Variants in CADM2 observed in about 807,000 individuals in gnomAD.
The protein encoded by CADM2 is immunoglobulin superfamily member 4D.
In CADM2, 12 loss-of-function variants were observed where a neutral mutation model predicts 49.8. That is an observed-to-expected ratio of 0.24 (90% CI 0.15 to 0.39). The LOEUF (loss-of-function observed/expected upper bound fraction) is 0.39, where lower values mean the gene tolerates loss of function less well. Among genes scored for constraint, CADM2 ranks in the 10% least tolerant of loss-of-function variants. CADM2 has a pLI of 1.00. For missense variants in CADM2, 378 were observed against 492.3 expected, an observed-to-expected ratio of 0.77 and a Z score of 2.20; for synonymous variants, 214 against 175.4, an observed-to-expected ratio of 1.22 and a Z score of -1.74.
intron 8 of CADM2, among the ~76,000 whole-genome samples, chr3:86,041,216 A>G (rs747223662): frequency 4.6e-5 from 7 of 152,228 alleles, no homozygotes; most frequent in Non-Finnish European, 1.0e-4. Context: ...GACAGGATCA[A>G]ATTCACACAT....
intron 1 of CADM2, among the ~76,000 whole-genome samples, chr3:85,476,604 A>AC (rs80025546): frequency 0.87 from 132,515 of 151,704 alleles, 58,030 homozygotes; most frequent in East Asian, 0.95. Flanking sequence ...CCAGTGCACT[A>AC]AAAGATAGCA....
At chr3:85,754,398 A>T (rs888442304) in intron 2 of CADM2, among the ~76,000 whole-genome samples, 17 of 152,108 alleles carry the variant, frequency 1.1e-4, no homozygotes, top group Admixed American at 7.2e-4. Context: ...ATCATGTCTA[A>T]CTAGCTACCT....
At chr3:85,930,602 C>T (rs559959469) in intron 6 of CADM2, among the ~76,000 whole-genome samples, 136 of 152,144 alleles carry the variant, frequency 8.9e-4, no homozygotes, top group African/African-American at 3.1e-3. Context: ...CCCTCTCAAA[C>T]CCCCAGTACC....
chr3:85,516,255 C>A (rs1035769929), intron 1 of CADM2, among the ~76,000 whole-genome samples: 4 of 152,158 alleles, frequency 2.6e-5, no homozygotes, highest in African/African-American at 9.6e-5. Context: ...TAGTGTTTGG[C>A]ATATTTTTAG....
intron 1 of CADM2, among the ~76,000 whole-genome samples, chr3:85,186,679 T>C (rs1017166813): frequency 5.3e-5 from 8 of 151,908 alleles, no homozygotes; most frequent in African/African-American, 1.9e-4. Flanking sequence ...ACACACTAGA[T>C]ACAATAGTAG....
intron 1 of CADM2, among the ~76,000 whole-genome samples, chr3:85,239,025 T>C (rs1021967544): frequency 1.3e-5 from 2 of 151,802 alleles, no homozygotes; most frequent in African/African-American, 4.8e-5. Context: ...ATTAGTGTCC[T>C]GTGGGTAAGT....
chr3:85,059,393 G>A (rs2036216051), intron 1 of CADM2, among the ~76,000 whole-genome samples: 1 of 151,710 alleles, frequency 6.6e-6, no homozygotes, highest in African/African-American at 2.4e-5. Context: ...AGATATCAGA[G>A]AATGATTAAT....
chr3:86,042,318 T>A (rs1213131161), intron 8 of CADM2, among the ~76,000 whole-genome samples: 11 of 151,690 alleles, frequency 7.3e-5, no homozygotes, highest in Non-Finnish European at 1.3e-4. Context: ...TCAACAAAAT[T>A]GATAGACCAC....
chr3:85,295,182 A>G (rs2043923415), intron 1 of CADM2, among the ~76,000 whole-genome samples: 2 of 152,228 alleles, frequency 1.3e-5, no homozygotes, highest in East Asian at 1.9e-4. Context: ...CAAAAAACAC[A>G]TGTAAAAATG....
At chr3:85,528,884 C>T (rs1001637518) in intron 1 of CADM2, among the ~76,000 whole-genome samples, 3 of 152,096 alleles carry the variant, frequency 2.0e-5, no homozygotes, top group African/African-American at 4.8e-5. Context: ...TTCCTTTAAC[C>T]GTGATCATAA....
intron 1 of CADM2, among the ~76,000 whole-genome samples, chr3:85,519,464 T>C (rs113288465): frequency 6.6e-6 from 1 of 152,146 alleles, no homozygotes; most frequent in African/African-American, 2.4e-5. Flanking sequence ...TTATATAACC[T>C]GGTTCTTCCA....
chr3:85,912,622 C>G, intron 6 of CADM2, 79 bp downstream of exon 6: 4 of 1,413,978 alleles, frequency 2.8e-6, no homozygotes, highest in Non-Finnish European at 3.9e-6. Context: ...TCAAAACTAC[C>G]TGAAGTTATA....
chr3:85,204,950 A>G (rs1211178117), intron 1 of CADM2, among the ~76,000 whole-genome samples: 5 of 152,086 alleles, frequency 3.3e-5, no homozygotes, highest in African/African-American at 1.2e-4. Context: ...TTAATAATGA[A>G]TTTAGCACTG....
chr3:85,883,624 TA>T (rs1160410174), intron 4 of CADM2, among the ~76,000 whole-genome samples, 181 bp downstream of exon 4: 6 of 152,246 alleles, frequency 3.9e-5, no homozygotes, highest in African/African-American at 1.4e-4. Flanking sequence ...CAGCATTTTA[TA>T]AAGGGACAAA....
chr3:85,051,692 C>G (rs554924451), intron 1 of CADM2, among the ~76,000 whole-genome samples: 50 of 152,278 alleles, frequency 3.3e-4, no homozygotes, highest in Middle Eastern at 3.4e-3. Context: ...CCCTCCATAC[C>G]TTTCCACAAA....
intron 2 of CADM2, among the ~76,000 whole-genome samples, chr3:85,781,398 C>T (rs2070643816): frequency 6.6e-6 from 1 of 152,114 alleles, no homozygotes; most frequent in African/African-American, 2.4e-5. Context: ...ATTCTACTTT[C>T]TCTTTCATAA....
chr3:85,170,942 C>T (rs1264598464), intron 1 of CADM2, among the ~76,000 whole-genome samples: 4 of 152,170 alleles, frequency 2.6e-5, no homozygotes, highest in Non-Finnish European at 2.9e-5. Flanking sequence ...CAAGTATCAA[C>T]AGCCTGGGGC....
At chr3:85,966,446 CCTTA>C (rs1725484158) in intron 8 of CADM2, among the ~76,000 whole-genome samples, 1 of 151,506 alleles carries the variant, frequency 6.6e-6, no homozygotes. Context: ...TAACTTATTC[CCTTA>C]CTTCATTATT....
chr3:85,645,702 A>G (rs1052613806), intron 1 of CADM2, among the ~76,000 whole-genome samples: 5 of 152,002 alleles, frequency 3.3e-5, no homozygotes, highest in African/African-American at 9.7e-5. Context: ...TTAAAAGTAA[A>G]AATATATAAT....
Sources: gnomAD v4.1 joint callset for allele counts (sites outside exome capture counted in the v4.1 genomes callset) on GRCh38, gnomAD v4.1.1 for gene constraint, MANE v1.5 for transcripts, NCBI Gene and HGNC (gene_info 2026-07-23, HGNC 2026-07-21) for gene names.